Variants in NEK8 observed in about 807,000 individuals in gnomAD.
NEK8 encodes the protein serine/threonine-protein kinase Nek8.
NEK8 carries 51 observed loss-of-function variants against 77.2 expected under a neutral mutation model. That is an observed-to-expected ratio of 0.66 (90% CI 0.53 to 0.83). The LOEUF is 0.83. Ranked by LOEUF, NEK8 falls within the 40% of genes least tolerant of loss-of-function variation. The pLI is 0.00. For synonymous variants in NEK8, 365 were observed against 363.2 expected (o/e 1.00, Z -0.06); for missense variants, 787 against 909.2 (o/e 0.87, Z 1.73).
Position 28,742,275 on chromosome 17 carries a change from G to T in NEK8, c.*288G>T. ...GGCAGACCTAGCCTTTGGAAGCAGG[G>T]TGGCCTCCAGAGCCTTGCCATAAAA... On this transcript the variant is annotated 3_prime_UTR_variant, in exon 15 of 15. Transcript: ENST00000268766. 1.8e-6 allele frequency: 1 copy of T among 549,284 alleles called. No individual in the cohort carries two copies. Among genetic ancestry groups the T allele is most frequent in the Non-Finnish European group, 3.3e-6 (1 of 304,716 alleles). The allele number at this position is 549,284 out of a possible 1,614,324, so 34.0% of individuals were successfully genotyped here.
chr17:28,737,257 G>A lies in NEK8; in HGVS notation c.619-49G>A, dbSNP rs766792596. 9.0e-6 allele frequency: 14 copies of A among 1,556,538 alleles called. No individual in the cohort carries two copies. The Admixed American group carries it at 2.7e-4, about 30-fold the overall frequency. ...CCCAGGAGACCAGGGGCTGGAGCTG[G>A]GGGGTGCTGCCCTCACTTCCCCAAA... On this transcript the variant is annotated intron_variant, in intron 4 of 14. Transcript: ENST00000268766. The surrounding 1 kb of genome is among the most constrained non-coding windows in gnomAD (Gnocchi z 4.8).
chr17:28,738,826 G>T (rs1164162170), intron 9 of NEK8, 79 bp downstream of exon 9: 1 of 1,187,946 alleles, frequency 8.4e-7, no homozygotes. Flanking sequence ...CACCAGATTG[G>T]GGGCAGGGGA....
In NEK8 at chr17:28,734,830, C is replaced by A. The variant is rs773918233; in HGVS notation, c.312C>A (p.Thr104=). Residue 104 remains threonine, a synonymous_variant, in exon 3 of 15, where the codon ACC becomes ACA. Transcript: ENST00000268766. The stretch of plus-strand genomic sequence containing the variant: ...GTAATTCCCTGCTGGAGGAGGAGAC[C>A]ATCCTGCACTTCTTCGTGCAGATCC... ...KRCNSLLEEE[T]ILHFFVQILL... is the part of the protein sequence containing the mutation. 7.4e-6 allele frequency: 12 copies of A among 1,613,734 alleles called. No homozygotes were observed. The African/African-American group carries it at 1.6e-4, about 22-fold the overall frequency.
Position 28,738,133 on chromosome 17 carries a change from T to C in NEK8, c.1110T>C (p.Pro370=). 6.2e-7 allele frequency: 1 copy of C among 1,614,028 alleles called. No individual in the cohort carries two copies. The highest frequency in any genetic ancestry group is 8.5e-7 in the Non-Finnish European group (1 of 1,179,938). Reference sequence around the variant, plus strand: ...GTGCAGGCGGAGGCAGTCTCCTTCCTGGGGCAGTGGAGCAGCCACAGCCCC... The same window carrying C: ...GTGCAGGCGGAGGCAGTCTCCTTCCCGGGGCAGTGGAGCAGCCACAGCCCC... ...PLGAGGGSLL[P]GAVEQPQPQF... is the part of the protein sequence containing the mutation. The change falls in exon 8 of 15, where the codon CCT becomes CCC. Residue 370 remains proline (P), a synonymous_variant. Coordinates refer to ENST00000268766, the MANE Select transcript of NEK8 (RefSeq NM_178170.3).
chr17:28,741,558 C>T lies in NEK8; in HGVS notation c.2037C>T (p.Leu679=), dbSNP rs377292303. 40 of 1,614,028 alleles carry T rather than the reference C, an allele frequency of 2.5e-5. No individual in the cohort carries two copies. The highest frequency in any genetic ancestry group is 3.4e-5 in the Non-Finnish European group (40 of 1,180,030). ...TSVSCCHGNT[L]LAVRSVTDEP... is the part of the protein sequence containing the mutation. ...TGTCCTGTTGCCATGGAAACACCCT[C>T]CTGGCTGTTCGATGTGAGTTGTAAC... The change falls in exon 14 of 15, where the codon CTC becomes CTT. Residue 679 remains leucine (L), a synonymous_variant. Transcript: ENST00000268766. This position sits in a 1 kb window ranked among gnomAD's most constrained non-coding sequence, Gnocchi z 4.5.
intron 9 of NEK8, 95 bp from the exon 10 acceptor site, chr17:28,738,989 A>T (rs2034394424): frequency 1.0e-6 from 1 of 953,312 alleles, no homozygotes; most frequent in Admixed American, 1.7e-5. Context: ...CCTCCTGAGA[A>T]TGTGTAGCCT....
chr17:28,732,762 GGTT>G (rs984930314), intron 1 of NEK8, among the ~76,000 whole-genome samples: 1 of 152,018 alleles, frequency 6.6e-6, no homozygotes, highest in Admixed American at 6.6e-5. Context: ...ATTTTGGCCA[GGTT>G]GTTCTCAAAT....
chr17:28,734,998 C>G lies in NEK8; in HGVS notation c.480C>G (p.Ala160=), dbSNP rs775727006. Residue 160 remains alanine (A), a synonymous_variant, in exon 3 of 15, where the codon GCC becomes GCG. Transcript: ENST00000268766. ...ISKILSSKSK[A]YTVVGTPCYI... The stretch of plus-strand genomic sequence containing the variant: ...AGATCCTTAGCAGCAAGAGCAAGGC[C>G]TACACGGTGCCTGGGCATGGAAGGG... 4 of 1,609,864 alleles carry G rather than the reference C, an allele frequency of 2.5e-6. No individual in the cohort carries two copies. Among genetic ancestry groups the G allele is most frequent in the Non-Finnish European group, 3.4e-6 (4 of 1,178,222 alleles).
chr17:28,740,615 T>C lies in NEK8; in HGVS notation c.1568+2T>C, dbSNP rs1403427403. 10 of 1,614,000 alleles carry C rather than the reference T, an allele frequency of 6.2e-6. No individual in the cohort carries two copies. In the South Asian group the frequency reaches 1.1e-4, roughly 18 times the overall value. On this transcript the variant is annotated splice_donor_variant, in intron 11 of 14. Transcript: ENST00000268766. LOFTEE classifies it high-confidence loss of function. This position sits in a 1 kb window ranked among gnomAD's most constrained non-coding sequence, Gnocchi z 4.7. Reference sequence around the variant, plus strand: ...AGCCCTAGCCTGTGGGAGCAACAGGTGAATAGATCATCAGGATGACTAACC... The same window carrying C: ...AGCCCTAGCCTGTGGGAGCAACAGGCGAATAGATCATCAGGATGACTAACC...
intron 2 of NEK8, 82 bp downstream of exon 2, chr17:28,734,270 C>T: frequency 7.9e-7 from 1 of 1,269,128 alleles, no homozygotes; most frequent in Non-Finnish European, 1.2e-6. Context: ...TGGCTTCCCT[C>T]CTTGGAATGG....
In NEK8 at chr17:28,741,141, G is replaced by C. The variant is rs145165738; in HGVS notation, c.1796G>C (p.Arg599Pro). ...GGACAGTTGGGCACCAATACTCGCC[G>C]AGGCAGTCGGGCACCCTGTAAGGTC... Reference protein sequence around the residue: ...QHGQLGTNTRRGSRAPCKVQG... With the variant: ...QHGQLGTNTRPGSRAPCKVQG... Residue 599 changes from arginine (R) to proline (P), a missense_variant, in exon 13 of 15, where the codon CGA (arginine) becomes CCA (proline). Around this residue, in one of 2 missense-constraint regions of NEK8, gnomAD observed 516 missense variants for 544.0 expected, o/e 0.95. Coordinates refer to ENST00000268766, the MANE Select transcript of NEK8 (RefSeq NM_178170.3). This position sits in a 1 kb window ranked among gnomAD's most constrained non-coding sequence, Gnocchi z 4.5. 6.2e-7 allele frequency: 1 copy of C among 1,614,144 alleles called. No homozygotes were observed. Among genetic ancestry groups the C allele is most frequent in the Non-Finnish European group, 8.5e-7 (1 of 1,180,024 alleles).
intron 4 of NEK8, among the ~76,000 whole-genome samples, chr17:28,735,967 C>T (rs940690822): frequency 7.0e-6 from 1 of 143,842 alleles, no homozygotes; most frequent in Non-Finnish European, 1.5e-5. Context: ...TGATGTTCCC[C>T]TTCCTGTGTC....
chr17:28,736,677 G>C (rs1220390464), intron 4 of NEK8, among the ~76,000 whole-genome samples: 1 of 152,162 alleles, frequency 6.6e-6, no homozygotes, highest in East Asian at 1.9e-4. Context: ...TTAGCCCTTT[G>C]TCAGATGAGT....
At chr17:28,734,558 C>G in intron 2 of NEK8, 2 of 594,654 alleles carry the variant, frequency 3.4e-6, no homozygotes, top group Non-Finnish European at 5.9e-6. Context: ...GTGGCAGGCA[C>G]CTGTAGTCCC....
In NEK8 at chr17:28,742,089, T is replaced by G. The variant is rs141685281; in HGVS notation, c.*102T>G. Reference sequence around the variant, plus strand: ...CATGACTTGCAGCTGTCTCCTGGATTGTGTCATCATGGGGTATCAGGGCTG... The same window carrying G: ...CATGACTTGCAGCTGTCTCCTGGATGGTGTCATCATGGGGTATCAGGGCTG... On this transcript the variant is annotated 3_prime_UTR_variant, in exon 15 of 15. Coordinates refer to ENST00000268766, the MANE Select transcript of NEK8 (RefSeq NM_178170.3). 235 of 1,167,538 alleles carry G rather than the reference T, an allele frequency of 2.0e-4. No homozygotes were observed. In the African/African-American group the frequency reaches 3.1e-3, roughly 15 times the overall value. 72.3% of individuals were successfully genotyped at this position (1,167,538 alleles called of 1,614,324 possible).
In NEK8 at chr17:28,739,104, G is replaced by A. The variant is rs767640829; in HGVS notation, c.1320G>A (p.Leu440=). 2 of 1,613,900 alleles carry A rather than the reference G, an allele frequency of 1.2e-6. No homozygotes were observed. The highest frequency in any genetic ancestry group is 2.2e-5 in the South Asian group (2 of 91,086). The part of the protein sequence containing the change: ...DISQPTIVEA[L]LGYEMVQVAC... ...TCTAGCCCACCATTGTGGAGGCTTT[G>A]CTGGGCTATGAAATGGTGCAGGTGG... is the stretch of plus-strand genomic sequence containing the variant. The change falls in exon 10 of 15, where the codon TTG becomes TTA. Residue 440 remains leucine, a synonymous_variant. Coordinates refer to ENST00000268766, the MANE Select transcript of NEK8 (RefSeq NM_178170.3).
At chr17:28,739,889 G>A (rs2034402568) in intron 10 of NEK8, among the ~76,000 whole-genome samples, 1 of 152,188 alleles carries the variant, frequency 6.6e-6, no homozygotes, top group African/African-American at 2.4e-5. Context: ...GCATGCCAGA[G>A]AACAGATAGC....
In NEK8 at chr17:28,738,126, T is replaced by C; in HGVS notation, c.1103T>C (p.Leu368Pro). 6.2e-7 allele frequency: 1 copy of C among 1,613,922 alleles called. No homozygotes were observed. The highest frequency in any genetic ancestry group is 8.5e-7 in the Non-Finnish European group (1 of 1,179,916). The change falls in exon 8 of 15, where the codon CTC (leucine) becomes CCC (proline). Residue 368 changes from leucine (L) to proline (P), a missense_variant. Leu to Pro is a moderately conservative substitution (Grantham distance 98, BLOSUM62 -3). Coordinates refer to ENST00000268766, the MANE Select transcript of NEK8 (RefSeq NM_178170.3). ...APPLGAGGGS[L>P]LPGAVEQPQP... Reference sequence around the variant, plus strand: ...CCCCTAGGTGCAGGCGGAGGCAGTCTCCTTCCTGGGGCAGTGGAGCAGCCA... The same window carrying C: ...CCCCTAGGTGCAGGCGGAGGCAGTCCCCTTCCTGGGGCAGTGGAGCAGCCA...
intron 4 of NEK8, among the ~76,000 whole-genome samples, chr17:28,736,144 A>G (rs1422993596): frequency 2.0e-5 from 3 of 152,164 alleles, no homozygotes; most frequent in Non-Finnish European, 4.4e-5. Flanking sequence ...CATGGTGTGT[A>G]TGTGCCACGT....
Sources: gnomAD v4.1 joint callset for allele counts (sites outside exome capture counted in the v4.1 genomes callset) on GRCh38, gnomAD v4.1.1 for gene constraint, gnomAD v4.1.1 regional missense constraint, Gnocchi (gnomAD v3.1) non-coding constraint, MANE v1.5 for transcripts, NCBI Gene and HGNC (gene_info 2026-07-23, HGNC 2026-07-21) for gene names.